TTLL5: variants seen among roughly 807,000 people sequenced by gnomAD.
TTLL5 encodes the protein tubulin polyglutamylase TTLL5.
In TTLL5, 132 loss-of-function variants were observed where a neutral mutation model predicts 168.4. That is an observed-to-expected ratio of 0.78 (90% CI 0.68 to 0.91). The LOEUF (loss-of-function observed/expected upper bound fraction) is 0.91, where lower values mean the gene tolerates loss of function less well. Among genes scored for constraint, TTLL5 ranks in the 40% least tolerant of loss-of-function variants. The pLI, the probability that TTLL5 is intolerant of heterozygous loss-of-function variation, is 0.00. For synonymous variants in TTLL5, 546 were observed against 558.6 expected, an observed-to-expected ratio of 0.98 and a Z score of 0.32; for missense variants, 1,545 against 1,581.5, an observed-to-expected ratio of 0.98 and a Z score of 0.39.
intron 28 of TTLL5, among the ~76,000 whole-genome samples, chr14:75,843,221 A>G (rs1445589018): frequency 1.3e-5 from 2 of 152,180 alleles, no homozygotes; most frequent in Admixed American, 6.5e-5. Context: ...CCTAGATGCC[A>G]GTGTGGAAGT....
At chr14:75,715,284 T>G (rs1441727557) in intron 9 of TTLL5, among the ~76,000 whole-genome samples, 4 of 150,426 alleles carry the variant, frequency 2.7e-5, no homozygotes, top group Non-Finnish European at 4.4e-5. Flanking sequence ...TTTTTTTTTT[T>G]TTGTAACTCA....
chr14:75,717,178 G>A (rs1027750663), intron 9 of TTLL5, among the ~76,000 whole-genome samples: 6 of 151,894 alleles, frequency 4.0e-5, no homozygotes, highest in African/African-American at 1.2e-4. Flanking sequence ...GTAGTGGTGC[G>A]ATCACAGCTC....
Position 75,745,480 on chromosome 14 carries a change from T to C in TTLL5, c.1396-10T>C. ...AAATAGGTACTCATTTTATCTTATT[T>C]TTCATCTAGATCAAAGTTTTACGAA... On this transcript the variant is annotated splice_polypyrimidine_tract_variant and intron_variant, in intron 16 of 31. Transcript: ENST00000298832. The C allele has an allele frequency of 1.2e-6, 2 of 1,613,940 alleles. No homozygotes were observed. The highest frequency in any genetic ancestry group is 1.1e-5 in the South Asian group (1 of 91,064).
At chr14:75,812,495 G>C (rs937629746) in intron 27 of TTLL5, among the ~76,000 whole-genome samples, 1 of 152,098 alleles carries the variant, frequency 6.6e-6, no homozygotes, top group African/African-American at 2.4e-5. Flanking sequence ...TCTGAAGTTT[G>C]TCCTAAGCTG....
At chr14:75,815,991 C>T (rs963382692) in intron 27 of TTLL5, among the ~76,000 whole-genome samples, 1 of 152,198 alleles carries the variant, frequency 6.6e-6, no homozygotes, top group Non-Finnish European at 1.5e-5. Flanking sequence ...AGACCACATG[C>T]GCTGGAAGGC....
At chr14:75,769,301 G>C (rs74069258) in intron 20 of TTLL5, among the ~76,000 whole-genome samples, 1 of 152,252 alleles carries the variant, frequency 6.6e-6, no homozygotes, top group African/African-American at 2.4e-5. Context: ...GAAAGTCCAC[G>C]CACAGCCAGG....
chr14:75,757,784 T>C, intron 18 of TTLL5: 2 of 1,550,162 alleles, frequency 1.3e-6, no homozygotes, highest in South Asian at 1.2e-5. Context: ...TAAGAGAGAC[T>C]ACCTGAATAG....
chr14:75,775,027 CTTTT>C (rs539261075), intron 21 of TTLL5, among the ~76,000 whole-genome samples: 6 of 141,176 alleles, frequency 4.3e-5, no homozygotes, highest in Non-Finnish European at 4.7e-5. Context: ...GTGTTTCTAA[CTTTT>C]TTTTTTTTTT....
At chr14:75,788,820 CTTTA>C (rs1224636249) in intron 26 of TTLL5, among the ~76,000 whole-genome samples, 2 of 152,174 alleles carry the variant, frequency 1.3e-5, no homozygotes, top group East Asian at 1.9e-4. Context: ...TACAGACTGG[CTTTA>C]TTTATTAACA....
At chr14:75,706,778 T>A (rs1376745638) in intron 7 of TTLL5, among the ~76,000 whole-genome samples, 2 of 151,284 alleles carry the variant, frequency 1.3e-5, no homozygotes, top group East Asian at 1.9e-4. Flanking sequence ...TTATTTATTA[T>A]TTATTATGTG....
intron 21 of TTLL5, among the ~76,000 whole-genome samples, chr14:75,773,184 TAAAA>T (rs781024102): frequency 1.7e-4 from 26 of 152,204 alleles, no homozygotes; most frequent in Non-Finnish European, 3.2e-4. Context: ...AACCCAGAGA[TAAAA>T]CCTTGTGTGT....
chr14:75,794,448 TAA>T (rs5809728), intron 27 of TTLL5, among the ~76,000 whole-genome samples: 17 of 141,998 alleles, frequency 1.2e-4, no homozygotes, highest in East Asian at 2.1e-4. Flanking sequence ...GTGATTGTAG[TAA>T]AAAAAAAAAA....
At chr14:75,831,037 C>G (rs183298222) in intron 28 of TTLL5, among the ~76,000 whole-genome samples, 1 of 152,108 alleles carries the variant, frequency 6.6e-6, no homozygotes, top group Non-Finnish European at 1.5e-5. Context: ...ATGAAAATTT[C>G]AGTTTCTCAG....
chr14:75,735,259 T>C lies in TTLL5; in HGVS notation c.1251T>C (p.Ser417=), dbSNP rs1333488127. The C allele has an allele frequency of 6.2e-7, 1 of 1,614,200 alleles. No homozygotes were observed. Among genetic ancestry groups the C allele is most frequent in the African/African-American group, 1.3e-5 (1 of 75,072 alleles). Residue 417 remains serine (S), a synonymous_variant, in exon 15 of 32, where the codon TCT becomes TCC. Transcript: ENST00000298832. The part of the protein sequence containing the change: ...STRPIYPTFE[S]SRRNPFQKPQ... Reference sequence around the variant, plus strand: ...GGCCAATTTATCCCACCTTTGAGTCTTCCAGGCGAAACCCTTTCCAGAAAC... The same window carrying C: ...GGCCAATTTATCCCACCTTTGAGTCCTCCAGGCGAAACCCTTTCCAGAAAC...
chr14:75,780,882 G>A (rs1318616224), intron 24 of TTLL5, among the ~76,000 whole-genome samples: 5 of 151,684 alleles, frequency 3.3e-5, no homozygotes, highest in Non-Finnish European at 5.9e-5. Context: ...TTTTTACTTA[G>A]CACCTATTAT....
chr14:75,666,210 C>T (rs927315687), intron 2 of TTLL5, among the ~76,000 whole-genome samples: 1 of 152,202 alleles, frequency 6.6e-6, no homozygotes, highest in Non-Finnish European at 1.5e-5. Flanking sequence ...CATAAATCAT[C>T]GGAAGATGTT....
At chr14:75,673,452 G>A (rs1353756875) in intron 3 of TTLL5, among the ~76,000 whole-genome samples, 5 of 152,210 alleles carry the variant, frequency 3.3e-5, no homozygotes, top group Non-Finnish European at 7.3e-5. Context: ...GGTGGAAAGA[G>A]TGTACACTTG....
chr14:75,832,261 G>A (rs1895611727), intron 28 of TTLL5, among the ~76,000 whole-genome samples: 1 of 152,222 alleles, frequency 6.6e-6, no homozygotes, highest in Non-Finnish European at 1.5e-5. Flanking sequence ...TGGGGAGGTA[G>A]AATACACCTT....
intron 10 of TTLL5, among the ~76,000 whole-genome samples, chr14:75,719,065 A>G (rs1887662829): frequency 6.6e-6 from 1 of 152,178 alleles, no homozygotes; most frequent in African/African-American, 2.4e-5. Context: ...TGCAAAACAC[A>G]GGTTCCAGAT....
Sources: allele counts gnomAD v4.1 joint callset (sites outside exome capture counted in the v4.1 genomes callset), GRCh38; gene constraint gnomAD v4.1.1; transcripts MANE v1.5; gene names NCBI Gene and HGNC (gene_info 2026-07-23, HGNC 2026-07-21).